IKZF2: variants seen among roughly 807,000 people sequenced by gnomAD.
The protein encoded by IKZF2 is IKAROS family zinc finger 2.
A neutral mutation model predicts 49.2 loss-of-function variants in IKZF2; 15 were observed. That is an observed-to-expected ratio of 0.30 (90% CI 0.20 to 0.47). The LOEUF is 0.47. IKZF2 is among the 20% of genes least tolerant of loss of function. The probability of loss-of-function intolerance (pLI) is 1.00; values close to 1 mark genes in which losing one functional copy is unlikely to be tolerated. For missense variants in IKZF2, 567 were observed against 664.6 expected, an observed-to-expected ratio of 0.85 and a Z score of 1.61; for synonymous variants, 227 against 221.4, an observed-to-expected ratio of 1.03 and a Z score of -0.23.
At chr2:213,043,183 TACAC>T (rs34393449) in intron 6 of IKZF2, among the ~76,000 whole-genome samples, 2 of 148,732 alleles carry the variant, frequency 1.3e-5, no homozygotes, top group Non-Finnish European at 3.0e-5. Context: ...GTAAATGAAA[TACAC>T]ACACACACAC....
At chr2:213,117,600 C>A (rs1162572846) in intron 4 of IKZF2, among the ~76,000 whole-genome samples, 1 of 152,176 alleles carries the variant, frequency 6.6e-6, no homozygotes, top group Non-Finnish European at 1.5e-5. Context: ...TCTAGGTCTA[C>A]CCTCTTCAAA....
intron 4 of IKZF2, among the ~76,000 whole-genome samples, chr2:213,058,657 G>A (rs919725225): frequency 1.3e-5 from 2 of 151,836 alleles, no homozygotes; most frequent in African/African-American, 4.8e-5. Flanking sequence ...TTTAAAAAGA[G>A]TTGGGACAGT....
intron 4 of IKZF2, among the ~76,000 whole-genome samples, chr2:213,071,706 C>A (rs1702724505): frequency 1.3e-5 from 2 of 152,226 alleles, no homozygotes; most frequent in Middle Eastern, 6.8e-3. Context: ...AATTCCTGAA[C>A]TAAGGACTTG....
At chr2:213,092,482 T>C (rs1008128966) in intron 4 of IKZF2, among the ~76,000 whole-genome samples, 5 of 152,058 alleles carry the variant, frequency 3.3e-5, no homozygotes, top group African/African-American at 9.7e-5. Context: ...ACGCAGAGAG[T>C]TGGTAAACCA....
intron 4 of IKZF2, among the ~76,000 whole-genome samples, chr2:213,098,120 A>T (rs1294783496): frequency 6.6e-6 from 1 of 152,118 alleles, no homozygotes; most frequent in East Asian, 1.9e-4. Flanking sequence ...AAATTAATAA[A>T]TCATTATCAA....
chr2:213,071,785 C>A (rs772908225), intron 4 of IKZF2, among the ~76,000 whole-genome samples: 1 of 152,082 alleles, frequency 6.6e-6, no homozygotes, highest in East Asian at 1.9e-4. Context: ...TCAGTATCAA[C>A]AGGTAGTTCT....
intron 4 of IKZF2, among the ~76,000 whole-genome samples, chr2:213,128,088 TTGTC>T (rs1360671246): frequency 1.3e-5 from 2 of 152,172 alleles, no homozygotes; most frequent in East Asian, 3.8e-4. Flanking sequence ...CTTGTTTTGT[TTGTC>T]TGTTTAATAA....
intron 4 of IKZF2, among the ~76,000 whole-genome samples, chr2:213,126,477 T>C (rs1236182533): frequency 6.6e-6 from 1 of 152,172 alleles, no homozygotes; most frequent in Admixed American, 6.5e-5. Context: ...AATTGTATTT[T>C]ACAAGAGAAG....
intron 6 of IKZF2, among the ~76,000 whole-genome samples, chr2:213,044,423 T>C (rs1315838521): frequency 6.6e-6 from 1 of 152,178 alleles, no homozygotes; most frequent in Non-Finnish European, 1.5e-5. Flanking sequence ...ATATCAGAAA[T>C]GGCCCAAAGC....
At chr2:213,010,410 C>G (rs1695819131) in intron 8 of IKZF2, among the ~76,000 whole-genome samples, 1 of 151,998 alleles carries the variant, frequency 6.6e-6, no homozygotes, top group African/African-American at 2.4e-5. Flanking sequence ...TTTAGGGAGC[C>G]CTGGGCCTTT....
intron 4 of IKZF2, among the ~76,000 whole-genome samples, chr2:213,086,352 T>C (rs1704600329): frequency 6.6e-6 from 1 of 152,146 alleles, no homozygotes; most frequent in Non-Finnish European, 1.5e-5. Flanking sequence ...ATGTTACTAA[T>C]TTACCAGTAC....
At chr2:213,048,006 A>G (rs1182817280) in intron 6 of IKZF2, among the ~76,000 whole-genome samples, 2 of 152,042 alleles carry the variant, frequency 1.3e-5, no homozygotes, top group Non-Finnish European at 2.9e-5. Flanking sequence ...AGGAGCAAAA[A>G]CTGTAGCAAC....
chr2:213,099,390 T>C (rs1031840878), intron 4 of IKZF2, among the ~76,000 whole-genome samples: 1 of 152,212 alleles, frequency 6.6e-6, no homozygotes, highest in Non-Finnish European at 1.5e-5. Flanking sequence ...AAAGGGATTC[T>C]TTCTTATAAG....
Position 213,024,266 on chromosome 2 carries a change from A to G in IKZF2, c.575-2136T>C, listed in dbSNP as rs144429724. 2.0e-3 allele frequency among the ~76,000 whole-genome samples: 307 copies of G among 152,272 alleles called. 1 individual carries two copies. The highest frequency in any genetic ancestry group is 3.1e-3 in the Non-Finnish European group (209 of 68,002). On this transcript the variant is annotated intron_variant, in intron 6 of 8. Coordinates refer to ENST00000434687, the MANE Select transcript of IKZF2 (RefSeq NM_001387220.1). ...GACATGTTGGATTTGGACATTTCTT[A>G]AAACTATTCTATTTCCAATAAATTT...
chr2:213,121,670 T>G (rs1163234831), intron 4 of IKZF2, among the ~76,000 whole-genome samples: 1 of 152,152 alleles, frequency 6.6e-6, no homozygotes, highest in African/African-American at 2.4e-5. Flanking sequence ...CTCTTTGAGG[T>G]ACAATAAAGA....
At chr2:213,052,434 G>A (rs1700761051) in intron 5 of IKZF2, among the ~76,000 whole-genome samples, 1 of 151,970 alleles carries the variant, frequency 6.6e-6, no homozygotes, top group African/African-American at 2.4e-5. Flanking sequence ...ATATTGATTT[G>A]AATTATGAAT....
intron 5 of IKZF2, among the ~76,000 whole-genome samples, chr2:213,050,818 GC>G (rs1189611324): frequency 3.3e-5 from 5 of 151,946 alleles, no homozygotes; most frequent in Admixed American, 6.6e-5. Context: ...CAAATTGATA[GC>G]CTTATCAAAC....
chr2:213,096,499 T>C (rs1706017755), intron 4 of IKZF2, among the ~76,000 whole-genome samples: 1 of 151,936 alleles, frequency 6.6e-6, no homozygotes, highest in Non-Finnish European at 1.5e-5. Flanking sequence ...TACTATAAAG[T>C]ATTTACCTCT....
chr2:213,024,909 ATAAT>A lies in IKZF2; in HGVS notation c.575-2783_575-2780del, dbSNP rs1432035040. 6.6e-5 allele frequency among the ~76,000 whole-genome samples: 10 copies of A among 152,278 alleles called. No individual in the cohort carries two copies. The Middle Eastern group carries it at 0.01, about 155-fold the overall frequency. ...CATGAGTTTATCTTTAAAGTAATAC[ATAAT>A]TAATACATATAACATATATATTCAT... On this transcript the variant is annotated intron_variant, in intron 6 of 8. Transcript: ENST00000434687.
Sources: allele counts gnomAD v4.1 joint callset (sites outside exome capture counted in the v4.1 genomes callset), GRCh38; gene constraint gnomAD v4.1.1; transcripts MANE v1.5; gene names NCBI Gene and HGNC (gene_info 2026-07-23, HGNC 2026-07-21).